LRP5: variants seen among roughly 807,000 people sequenced by gnomAD.
LRP5 encodes the protein LDL receptor related protein 5.
LRP5 carries 62 observed loss-of-function variants against 154.1 expected under a neutral mutation model. The observed-to-expected ratio is 0.40, with a 90% CI of 0.33 to 0.50. The LOEUF is 0.50. Among genes scored for constraint, LRP5 ranks in the 20% least tolerant of loss-of-function variants. The pLI is 0.55. For synonymous variants in LRP5, 966 were observed against 1,011.5 expected, an observed-to-expected ratio of 0.96 and a Z score of 0.85; for missense variants, 1,915 against 2,336.7, an observed-to-expected ratio of 0.82 and a Z score of 3.72.
chr11:68,317,612 C>T (rs982197614), intron 1 of LRP5, among the ~76,000 whole-genome samples: 3 of 152,210 alleles, frequency 2.0e-5, no homozygotes, highest in Non-Finnish European at 2.9e-5. Flanking sequence ...CATGCGCATA[C>T]GCGCTGCTCT....
chr11:68,388,499 C>G lies in LRP5; in HGVS notation c.1413-1382C>G, dbSNP rs570373789. Among the ~76,000 whole-genome samples, 12 of 152,196 alleles carry G rather than the reference C, an allele frequency of 7.9e-5. No homozygotes were observed. In the South Asian group the frequency reaches 2.1e-3, roughly 26 times the overall value. On this transcript the variant is annotated intron_variant, in intron 6 of 22. Coordinates refer to ENST00000294304, the MANE Select transcript of LRP5 (RefSeq NM_002335.4). ...AGGCAGAGGGGCTGGCCGGCTGGGT[C>G]AGACACAGCTGAAGCAGAGGCTGTG...
intron 2 of LRP5, among the ~76,000 whole-genome samples, chr11:68,354,408 T>C (rs1459705548): frequency 1.3e-5 from 2 of 152,198 alleles, no homozygotes; most frequent in Non-Finnish European, 2.9e-5. Flanking sequence ...TCCTGCACGT[T>C]TTCCAGCCTT....
chr11:68,372,392 G>GCA (rs2098634620), intron 5 of LRP5, among the ~76,000 whole-genome samples: 1 of 150,672 alleles, frequency 6.6e-6, no homozygotes, highest in African/African-American at 2.4e-5. Context: ...TGGTGGTGTT[G>GCA]AGGAGGTGCA....
At chr11:68,421,508 G>A (rs1485696356) in intron 13 of LRP5, among the ~76,000 whole-genome samples, 2 of 152,190 alleles carry the variant, frequency 1.3e-5, no homozygotes, top group Non-Finnish European at 2.9e-5. Flanking sequence ...CCCGGCAGCT[G>A]TACCAGTCCA....
chr11:68,358,003 T>G (rs998200200), intron 3 of LRP5, among the ~76,000 whole-genome samples, 156 bp downstream of exon 3: 7 of 152,230 alleles, frequency 4.6e-5, no homozygotes, highest in Non-Finnish European at 1.5e-5. Context: ...CGTCAGGGTC[T>G]GTGTGGCATT....
intron 1 of LRP5, among the ~76,000 whole-genome samples, chr11:68,321,103 C>A (rs1186511382): frequency 8.2e-6 from 1 of 122,024 alleles, no homozygotes; most frequent in Non-Finnish European, 1.6e-5. Context: ...AGGTAGGGGT[C>A]TGGCCAGTGA....
intron 1 of LRP5, among the ~76,000 whole-genome samples, chr11:68,329,207 G>T (rs1468073554): frequency 6.6e-6 from 1 of 152,172 alleles, no homozygotes; most frequent in African/African-American, 2.4e-5. Flanking sequence ...AATGTATCCT[G>T]CTTTAGAACA....
intron 7 of LRP5, among the ~76,000 whole-genome samples, chr11:68,399,374 T>TA (rs1214002621): frequency 2.5e-3 from 363 of 145,884 alleles, no homozygotes; most frequent in African/African-American, 6.3e-3. Context: ...CCTGCCTCTT[T>TA]AAAAAAAAAA....
intron 4 of LRP5, 129 bp downstream of exon 4, chr11:68,364,072 C>G: frequency 1.8e-6 from 1 of 543,280 alleles, no homozygotes; most frequent in Non-Finnish European, 3.1e-6. Flanking sequence ...GGGCAGGTGA[C>G]CCCTCCCTGC....
At chr11:68,421,837 GT>G (rs1435660242) in intron 13 of LRP5, among the ~76,000 whole-genome samples, 1 of 151,756 alleles carries the variant, frequency 6.6e-6, no homozygotes, top group African/African-American at 2.4e-5. Context: ...TGTGTGGTGT[GT>G]GTGTGTGTAT....
At chr11:68,403,883 A>G in intron 8 of LRP5, 184 bp downstream of exon 8, 1 of 657,520 alleles carries the variant, frequency 1.5e-6, no homozygotes, top group Non-Finnish European at 2.6e-6. Context: ...CTGATTAGGG[A>G]GTGGTTATGG....
chr11:68,424,584 T>C (rs1182956814), intron 14 of LRP5, among the ~76,000 whole-genome samples: 2 of 152,210 alleles, frequency 1.3e-5, no homozygotes, highest in Non-Finnish European at 2.9e-5. Flanking sequence ...TTCCCATGGC[T>C]GCTGTCAGAA....
intron 1 of LRP5, among the ~76,000 whole-genome samples, chr11:68,332,870 C>A (rs994667281): frequency 6.6e-6 from 1 of 152,108 alleles, no homozygotes; most frequent in African/African-American, 2.4e-5. Context: ...GGGAGTAGAG[C>A]TATTCCTGGG....
rs1591262432 is a variant in LRP5, at chr11:68,386,942, G to T, written c.1412+230G>T. On this transcript the variant is annotated intron_variant, in intron 6 of 22. Coordinates refer to ENST00000294304, the MANE Select transcript of LRP5 (RefSeq NM_002335.4). The surrounding 1 kb of genome is among the most constrained non-coding windows in gnomAD (Gnocchi z 7.9). ...AGCACCCCAGTGGTCCGGTGCTGCTGCTGGGTCCATGCGTAGAAAGCCCTG... is the reference window on the plus strand; with the variant it reads ...AGCACCCCAGTGGTCCGGTGCTGCTTCTGGGTCCATGCGTAGAAAGCCCTG... Among the ~76,000 whole-genome samples, 1 of 152,194 alleles carries T rather than the reference G, an allele frequency of 6.6e-6. No homozygotes were observed. The highest frequency in any genetic ancestry group is 1.5e-5 in the Non-Finnish European group (1 of 68,034).
At chr11:68,355,730 T>C (rs2098622617) in intron 2 of LRP5, among the ~76,000 whole-genome samples, 1 of 152,170 alleles carries the variant, frequency 6.6e-6, no homozygotes, top group Admixed American at 6.5e-5. Context: ...TTGTTTCTCA[T>C]GGATGGGTGA....
chr11:68,424,105 C>T (rs1462588155), intron 14 of LRP5, among the ~76,000 whole-genome samples: 9 of 152,316 alleles, frequency 5.9e-5, no homozygotes, highest in African/African-American at 1.9e-4. Context: ...ACCTGTTGGT[C>T]GTCAGAGCTT....
Position 68,433,563 on chromosome 11 carries a change from C to T in LRP5, c.3764-39C>T, listed in dbSNP as rs1487199773. ...ACGCCATTGCCTGGGTTTTGCTGGG[C>T]GGGGCTGCGTGTGATGTTCTCCTCT... On this transcript the variant is annotated intron_variant, in intron 17 of 22. Transcript: ENST00000294304. The T allele has an allele frequency of 1.2e-5, 19 of 1,552,772 alleles. No individual in the cohort carries two copies. In the East Asian group the frequency reaches 2.0e-4, roughly 16 times the overall value.
rs761919591 is a variant in LRP5 at position 68,386,565 on chromosome 11, C to T, written c.1265C>T (p.Ala422Val). 9.9e-6 allele frequency: 16 copies of T among 1,613,718 alleles called. No homozygotes were observed. In the South Asian group the frequency reaches 1.2e-4, roughly 12 times the overall value. ...NTEINDPDGI[A>V]VDWVARNLYW... ...GAGATCAACGACCCCGATGGCATCG[C>T]GGTCGACTGGGTGGCCCGAAACCTC... Residue 422 changes from alanine to valine, a missense_variant, in exon 6 of 23, where the codon GCG (alanine) becomes GTG (valine). Transcript: ENST00000294304. The surrounding 1 kb of genome is among the most constrained non-coding windows in gnomAD (Gnocchi z 7.9).
In LRP5 at chr11:68,340,176, G is replaced by A. The variant is rs562066119; in HGVS notation, c.92-7671G>A. ...AATCGCTTGAAACTGGGAGGCCGAGGTTGCAGTGAGCTGAGATTGCGCCAT... is the reference window on the plus strand; with the variant it reads ...AATCGCTTGAAACTGGGAGGCCGAGATTGCAGTGAGCTGAGATTGCGCCAT... On this transcript the variant is annotated intron_variant, in intron 1 of 22. Transcript: ENST00000294304. Among the ~76,000 whole-genome samples the A allele has an allele frequency of 2.6e-5, 4 of 152,300 alleles. No individual in the cohort carries two copies. In the South Asian group the frequency reaches 8.3e-4, roughly 32 times the overall value.
Sources: gnomAD v4.1 joint callset for allele counts (sites outside exome capture counted in the v4.1 genomes callset) on GRCh38, gnomAD v4.1.1 for gene constraint, Gnocchi (gnomAD v3.1) non-coding constraint, MANE v1.5 for transcripts, NCBI Gene and HGNC (gene_info 2026-07-23, HGNC 2026-07-21) for gene names.